CLIP4: variants seen among roughly 807,000 people sequenced by gnomAD.
CLIP4 encodes CAP-Gly domain-containing linker protein 4.
A neutral mutation model predicts 73.1 loss-of-function variants in CLIP4; 47 were observed. The ratio of observed to expected loss-of-function variants is 0.64; its 90% CI spans 0.51 to 0.82. The LOEUF is 0.82. Among genes scored for constraint, CLIP4 ranks in the 40% least tolerant of loss-of-function variants. The pLI is 0.00. For synonymous variants in CLIP4, 306 were observed against 295.4 expected (o/e 1.04, Z -0.37); for missense variants, 874 against 852.9 (o/e 1.02, Z -0.31).
chr2:29,121,790 G>A (rs189928194), intron 2 of CLIP4, among the ~76,000 whole-genome samples: 35 of 152,124 alleles, frequency 2.3e-4, no homozygotes, highest in African/African-American at 7.9e-4. Flanking sequence ...AGAAAGCAAT[G>A]GTGCTTAGAT....
rs1343482636 is a variant in CLIP4, at chr2:29,182,202, T to C, written c.*309T>C. On this transcript the variant is annotated 3_prime_UTR_variant, in exon 16 of 16. Transcript: ENST00000320081. ...TGTTGCATTTCTTGCTTATTCTGTT[T>C]TGTTTTTGCACATCATAATGGATTT... 4.9e-6 allele frequency: 1 copy of C among 202,102 alleles called. No homozygotes were observed. Among genetic ancestry groups the C allele is most frequent in the African/African-American group, 2.3e-5 (1 of 43,272 alleles). 12.5% of individuals were successfully genotyped at this position (202,102 alleles called of 1,614,324 possible).
chr2:29,117,522 G>A (rs940797238), intron 1 of CLIP4, among the ~76,000 whole-genome samples: 7 of 151,958 alleles, frequency 4.6e-5, no homozygotes, highest in African/African-American at 1.2e-4. Context: ...TTTTGCTGTG[G>A]GGTTTCACCA....
At chr2:29,153,728 A>G (rs188854311) in intron 9 of CLIP4, among the ~76,000 whole-genome samples, 47 of 152,292 alleles carry the variant, frequency 3.1e-4, no homozygotes, top group Admixed American at 1.5e-3. Context: ...GGATGAAAGG[A>G]ATTTGTCCAA....
In CLIP4 at chr2:29,141,026, C is replaced by G. The variant is rs532631305; in HGVS notation, c.649-2683C>G. ...TCCCAGAGGTTTTGGTATATTGTGT[C>G]TCTATTTTCATTTGTTTCAAAGGAT... On this transcript the variant is annotated intron_variant, in intron 6 of 15. Coordinates refer to ENST00000320081, the MANE Select transcript of CLIP4 (RefSeq NM_024692.6). Among the ~76,000 whole-genome samples, 128 of 152,184 alleles carry G rather than the reference C, an allele frequency of 8.4e-4. No homozygotes were observed. The South Asian group carries it at 0.012, about 15-fold the overall frequency.
chr2:29,103,637 T>C (rs944374110), intron 1 of CLIP4, among the ~76,000 whole-genome samples: 1 of 152,122 alleles, frequency 6.6e-6, no homozygotes, highest in Admixed American at 6.6e-5. Context: ...AGAACTTGAA[T>C]GTTGATCTGT....
At chr2:29,123,663 T>C (rs1664410682) in intron 2 of CLIP4, among the ~76,000 whole-genome samples, 1 of 152,148 alleles carries the variant, frequency 6.6e-6, no homozygotes, top group Non-Finnish European at 1.5e-5. Flanking sequence ...GGAAGGTCTT[T>C]GTGGCTGAGA....
At chr2:29,143,996 CT>C in intron 7 of CLIP4, 51 bp downstream of exon 7, 12 of 1,476,948 alleles carry the variant, frequency 8.1e-6, no homozygotes, top group Non-Finnish European at 1.0e-5. Context: ...TGTCCATGAC[CT>C]ATGTTCAAGG....
intron 12 of CLIP4, among the ~76,000 whole-genome samples, chr2:29,162,971 A>G (rs1037685883): frequency 3.9e-5 from 6 of 152,156 alleles, no homozygotes; most frequent in Admixed American, 3.9e-4. Flanking sequence ...TACTGATTAT[A>G]AGAGACCAAA....
At chr2:29,110,791 C>T (rs1402900676), upstream of CLIP4, among the ~76,000 whole-genome samples, 1 of 152,150 alleles carries the variant, frequency 6.6e-6, no homozygotes, top group African/African-American at 2.4e-5. Flanking sequence ...CAGGTTCCAG[C>T]AATTCTCCTG....
At position 29,121,468 on chromosome 2, in the gene CLIP4, C is replaced by G. The variant is rs115065391; in HGVS notation, c.80C>G (p.Ser27Cys). The change falls in exon 2 of 16, where the codon TCT becomes TGT. Residue 27 changes from serine to cysteine, a missense_variant. Ser to Cys is a moderately radical substitution (Grantham distance 112, BLOSUM62 -1). Coordinates refer to ENST00000320081, the MANE Select transcript of CLIP4 (RefSeq NM_024692.6). ...FGRYPFIFSA[S>C]DTPVIFSISA... Reference sequence around the variant, plus strand: ...AGATACCCATTTATATTTTCTGCTTCTGATACCCCAGTTATCTTTTCCATT... The same window carrying G: ...AGATACCCATTTATATTTTCTGCTTGTGATACCCCAGTTATCTTTTCCATT... 5.9e-3 allele frequency: 9,514 copies of G among 1,613,748 alleles called. 42 individuals are homozygous for G. Among genetic ancestry groups the G allele is most frequent in the Non-Finnish European group, 6.6e-3 (7,786 of 1,179,826 alleles).
intron 9 of CLIP4, among the ~76,000 whole-genome samples, chr2:29,155,720 C>T (rs1666880273): frequency 6.6e-6 from 1 of 152,214 alleles, no homozygotes; most frequent in Non-Finnish European, 1.5e-5. Context: ...TTCAGGCTCT[C>T]ATGCTTGGAC....
chr2:29,104,003 C>T (rs185458870), intron 1 of CLIP4, among the ~76,000 whole-genome samples: 78 of 151,536 alleles, frequency 5.1e-4, no homozygotes, highest in East Asian at 1.8e-3. Flanking sequence ...CACCACACCC[C>T]GCCAGCACTG....
intron 15 of CLIP4, among the ~76,000 whole-genome samples, chr2:29,179,773 A>T (rs1018264227): frequency 6.6e-6 from 1 of 152,208 alleles, no homozygotes; most frequent in Non-Finnish European, 1.5e-5. Flanking sequence ...GAGCTCTTCC[A>T]TGTATGTTCT....
At chr2:29,107,030 C>G (rs932002255) in intron 1 of CLIP4, among the ~76,000 whole-genome samples, 15 of 152,178 alleles carry the variant, frequency 9.9e-5, no homozygotes, top group African/African-American at 3.6e-4. Context: ...TTTCTCATGA[C>G]TCAGTACCAG....
At chr2:29,138,668 G>A (rs1013006232) in intron 6 of CLIP4, among the ~76,000 whole-genome samples, 2 of 151,620 alleles carry the variant, frequency 1.3e-5, no homozygotes, top group Admixed American at 1.3e-4. Context: ...ATTTGTTTGT[G>A]TTCTTTCAGC....
At chr2:29,121,342 T>C in intron 1 of CLIP4, 32 bp from the exon 2 acceptor site, 1 of 1,563,098 alleles carries the variant, frequency 6.4e-7, no homozygotes, top group African/African-American at 1.4e-5. Context: ...ACAAATAAAG[T>C]AGAAACACTT....
chr2:29,156,506 T>C, intron 10 of CLIP4, 63 bp downstream of exon 10: 2 of 1,196,160 alleles, frequency 1.7e-6, no homozygotes, highest in Middle Eastern at 2.1e-4. Context: ...TAAAATATGG[T>C]AGGAAAACAG....
upstream of CLIP4, among the ~76,000 whole-genome samples, chr2:29,111,741 A>AT (rs1315751747): frequency 6.6e-6 from 1 of 152,064 alleles, no homozygotes; most frequent in African/African-American, 2.4e-5. Context: ...CCATCTGTTA[A>AT]TTTTTTCTAT....
upstream of CLIP4, among the ~76,000 whole-genome samples, chr2:29,110,691 T>TTTA (rs1668362371): frequency 6.6e-6 from 1 of 152,092 alleles, no homozygotes; most frequent in African/African-American, 2.4e-5. Context: ...TATTTGTTTA[T>TTTA]TTATTATTAT....
Sources: allele counts gnomAD v4.1 joint callset (sites outside exome capture counted in the v4.1 genomes callset), GRCh38; gene constraint gnomAD v4.1.1; transcripts MANE v1.5; gene names NCBI Gene and HGNC (gene_info 2026-07-23, HGNC 2026-07-21).